Variants in NELL1 observed in about 807,000 individuals in gnomAD.
NELL1 encodes the protein neural EGFL like 1, also known as protein kinase C-binding protein NELL1.
In NELL1, 76 loss-of-function variants were observed where a neutral mutation model predicts 107.4. That is an observed-to-expected ratio of 0.71 (90% confidence interval 0.59 to 0.86). The LOEUF (loss-of-function observed/expected upper bound fraction) is 0.86. Ranked by LOEUF, NELL1 falls within the 40% of genes least tolerant of loss-of-function variation. NELL1 has a pLI of 0.00. For synonymous variants in NELL1, 353 were observed against 341.2 expected (o/e 1.03, Z -0.38); for missense variants, 1,024 against 1,005.5 (o/e 1.02, Z -0.25).
chr11:21,102,101 C>T (rs1210367692), intron 12 of NELL1, among the ~76,000 whole-genome samples: 2 of 152,166 alleles, frequency 1.3e-5, no homozygotes, highest in Non-Finnish European at 2.9e-5. Flanking sequence ...GATCCACCCA[C>T]CTCAGCCTCC....
At chr11:21,435,797 T>TGTGTGTGTGTGTATGTGTGTCC (rs61299951) in intron 15 of NELL1, among the ~76,000 whole-genome samples, 4 of 134,818 alleles carry the variant, frequency 3.0e-5, no homozygotes, top group African/African-American at 1.5e-4. Context: ...TGTGTGTGTT[T>TGTGTGTGTGTGTATGTGTGTCC]GTGTGTGTGT....
intron 13 of NELL1, among the ~76,000 whole-genome samples, chr11:21,171,086 C>G (rs1856597165): frequency 6.6e-6 from 1 of 151,824 alleles, no homozygotes. Flanking sequence ...CAGCCTTTGC[C>G]TTACGGCTGT....
chr11:20,957,361 G>A (rs943952279), intron 11 of NELL1, among the ~76,000 whole-genome samples: 3 of 152,154 alleles, frequency 2.0e-5, no homozygotes, highest in Non-Finnish European at 2.9e-5. Context: ...AGACAAAAAT[G>A]TAGTTGAAAG....
At chr11:21,098,593 GGAAATTTCCAGTGGGACTTTTTCCCT>G (rs1407779001) in intron 12 of NELL1, among the ~76,000 whole-genome samples, 2 of 152,126 alleles carry the variant, frequency 1.3e-5, no homozygotes, top group African/African-American at 4.8e-5. Flanking sequence ...AAAGACCAGT[GGAAATTTCCAGTGGGACTTTTTCCCT>G]GATGGTACCA....
chr11:21,139,855 G>A (rs1476040967), intron 13 of NELL1, among the ~76,000 whole-genome samples: 9 of 152,090 alleles, frequency 5.9e-5, no homozygotes, highest in Admixed American at 5.9e-4. Flanking sequence ...TTGGGGACTG[G>A]GTTGGCACAG....
Position 20,917,004 on chromosome 11 carries a change from A to G in NELL1, c.604-1178A>G, listed in dbSNP as rs370919715. 9.2e-5 allele frequency among the ~76,000 whole-genome samples: 14 copies of G among 152,060 alleles called. 1 individual carries two copies. The highest frequency in any genetic ancestry group is 3.4e-4 in the African/African-American group (14 of 41,540). On this transcript the variant is annotated intron_variant, in intron 5 of 19. Coordinates refer to ENST00000357134, the MANE Select transcript of NELL1 (RefSeq NM_006157.5). ...GACTTCTAATCCATGCTTGTCTCAA[A>G]TTGCCACATGTGCTTGAAGGTGTGA...
intron 16 of NELL1, among the ~76,000 whole-genome samples, chr11:21,544,557 A>G (rs2133982254): frequency 6.6e-6 from 1 of 152,084 alleles, no homozygotes; most frequent in South Asian, 2.1e-4. Context: ...GTAAATATTA[A>G]TATCTAAGAT....
At chr11:20,876,114 G>C (rs548674309) in intron 4 of NELL1, among the ~76,000 whole-genome samples, 1 of 152,082 alleles carries the variant, frequency 6.6e-6, no homozygotes, top group Non-Finnish European at 1.5e-5. Flanking sequence ...TTTTGTTTGC[G>C]TTTGTATTTA....
intron 15 of NELL1, among the ~76,000 whole-genome samples, chr11:21,472,278 C>T (rs1041916482): frequency 6.6e-6 from 1 of 152,048 alleles, no homozygotes; most frequent in Admixed American, 6.6e-5. Context: ...AGCAAACCCT[C>T]CTCTGCCTCC....
At chr11:20,850,846 G>T (rs931965295) in intron 4 of NELL1, among the ~76,000 whole-genome samples, 1 of 152,128 alleles carries the variant, frequency 6.6e-6, no homozygotes, top group Non-Finnish European at 1.5e-5. Flanking sequence ...TCTAGTAATA[G>T]TATTCCTTAG....
intron 13 of NELL1, among the ~76,000 whole-genome samples, chr11:21,224,811 T>C (rs1857851445): frequency 6.6e-6 from 1 of 152,238 alleles, no homozygotes; most frequent in South Asian, 2.1e-4. Flanking sequence ...AGCAAGGTTT[T>C]ATTTTGCAAT....
chr11:21,175,710 A>C (rs1856697923), intron 13 of NELL1, among the ~76,000 whole-genome samples: 1 of 151,912 alleles, frequency 6.6e-6, no homozygotes, highest in African/African-American at 2.4e-5. Context: ...AAGAAGCTTC[A>C]GATCATCATG....
At chr11:20,803,447 T>C (rs1290246703) in intron 3 of NELL1, among the ~76,000 whole-genome samples, 1 of 152,190 alleles carries the variant, frequency 6.6e-6, no homozygotes, top group Non-Finnish European at 1.5e-5. Flanking sequence ...TTTTTCTCAA[T>C]TAATCTGGCT....
intron 12 of NELL1, among the ~76,000 whole-genome samples, chr11:21,049,543 A>G (rs1853439963): frequency 6.6e-6 from 1 of 152,096 alleles, no homozygotes; most frequent in Non-Finnish European, 1.5e-5. Flanking sequence ...AGAGCAAATT[A>G]CCCCCAAGAT....
At chr11:21,225,408 C>T (rs116458415) in intron 13 of NELL1, among the ~76,000 whole-genome samples, 1,572 of 152,282 alleles carry the variant, frequency 0.01, 25 homozygotes, top group African/African-American at 0.035. Context: ...TGGCTGCTGG[C>T]AATCTCCCAC....
chr11:21,070,878 G>GA (rs1275077128), intron 12 of NELL1, among the ~76,000 whole-genome samples: 2 of 152,038 alleles, frequency 1.3e-5, no homozygotes, highest in African/African-American at 2.4e-5. Flanking sequence ...TTGCCAGATC[G>GA]AAAATATCAG....
chr11:21,294,204 G>T (rs553957776), intron 14 of NELL1, among the ~76,000 whole-genome samples: 2 of 152,098 alleles, frequency 1.3e-5, no homozygotes, highest in Non-Finnish European at 2.9e-5. Flanking sequence ...TACATCTTTA[G>T]CTTCACTACC....
chr11:21,084,956 A>G (rs1854354498), intron 12 of NELL1, among the ~76,000 whole-genome samples: 1 of 152,200 alleles, frequency 6.6e-6, no homozygotes, highest in Middle Eastern at 3.2e-3. Flanking sequence ...CTGGACTAGA[A>G]CTTGACCACA....
intron 12 of NELL1, among the ~76,000 whole-genome samples, chr11:20,981,956 T>TTCTCTCTCTCTCTCTC (rs68140364): frequency 2.0e-3 from 301 of 148,642 alleles, no homozygotes; most frequent in African/African-American, 6.2e-3. Flanking sequence ...CTCTCTCTCT[T>TTCTCTCTCTCTCTCTC]TCTCTCTCTC....
Sources: gnomAD v4.1 joint callset for allele counts (sites outside exome capture counted in the v4.1 genomes callset) on GRCh38, gnomAD v4.1.1 for gene constraint, MANE v1.5 for transcripts, NCBI Gene and HGNC (gene_info 2026-07-23, HGNC 2026-07-21) for gene names.